PCDHA4: variants seen among roughly 807,000 people sequenced by gnomAD.
The protein encoded by PCDHA4 is protocadherin alpha 4, also known as protocadherin alpha-4.
PCDHA4 carries 49 observed loss-of-function variants against 61.4 expected under a neutral mutation model. That is an observed-to-expected ratio of 0.80 (90% CI 0.63 to 1.01). The LOEUF (loss-of-function observed/expected upper bound fraction) is 1.01, where lower values mean the gene tolerates loss of function less well. PCDHA4 is among the 50% of genes least tolerant of loss of function. The pLI is 0.00. For synonymous variants in PCDHA4, 590 were observed against 550.3 expected (o/e 1.07, Z -1.01); for missense variants, 1,254 against 1,235.8 (o/e 1.01, Z -0.22).
chr5:140,921,741 A>G (rs1437643098), intron 1 of PCDHA4, among the ~76,000 whole-genome samples: 1 of 152,202 alleles, frequency 6.6e-6, no homozygotes, highest in Non-Finnish European at 1.5e-5. Context: ...AATTATAAGC[A>G]TAACAGGACA....
chr5:140,868,877 C>T (rs1554162279), intron 1 of PCDHA4: 4 of 684,224 alleles, frequency 5.8e-6, no homozygotes, highest in South Asian at 2.2e-5. Flanking sequence ...GCACAGTACT[C>T]ACAGTTTTAG....
intron 1 of PCDHA4, chr5:140,968,800 A>G: frequency 6.2e-7 from 1 of 1,614,238 alleles, no homozygotes; most frequent in Non-Finnish European, 8.5e-7. Context: ...CCATTACAGT[A>G]GCTGTGGTGG....
chr5:140,927,073 C>T (rs782173390), intron 1 of PCDHA4: 11 of 1,611,108 alleles, frequency 6.8e-6, no homozygotes, highest in Middle Eastern at 1.7e-4. Context: ...CCTTTCCAGC[C>T]ACCGCGAGCT....
intron 1 of PCDHA4, chr5:140,928,025 G>T: frequency 6.2e-7 from 1 of 1,614,148 alleles, no homozygotes; most frequent in South Asian, 1.1e-5. Flanking sequence ...GTCATTTGTG[G>T]CATGTCTAGT....
In PCDHA4 at chr5:140,851,743, G is replaced by A. The variant is rs1045115703; in HGVS notation, c.2385+42171G>A. ...ACTTCGAGTTCTTTTGAAATTCAGA[G>A]TCTGTAACTTAAAACATTACCCTTA... On this transcript the variant is annotated intron_variant, in intron 1 of 3. Transcript: ENST00000530339. 3 of 972,104 alleles carry A rather than the reference G, an allele frequency of 3.1e-6. 1 individual carries two copies. The highest frequency in any genetic ancestry group is 3.7e-6 in the Non-Finnish European group (3 of 804,720). 60.2% of individuals were successfully genotyped at this position (972,104 alleles called of 1,614,324 possible).
chr5:140,884,357 A>C, intron 1 of PCDHA4: 1 of 1,613,864 alleles, frequency 6.2e-7, no homozygotes. Context: ...GGTGGATGTC[A>C]ATGTTTACTT....
intron 1 of PCDHA4, among the ~76,000 whole-genome samples, chr5:140,892,705 T>C (rs1395351366): frequency 6.6e-6 from 1 of 152,210 alleles, no homozygotes; most frequent in Non-Finnish European, 1.5e-5. Flanking sequence ...TCAGGGTAAT[T>C]AGCATATTCA....
intron 1 of PCDHA4, chr5:140,850,254 G>A: frequency 3.8e-6 from 6 of 1,593,786 alleles, no homozygotes; most frequent in South Asian, 1.1e-5. Flanking sequence ...GTCGGTGGGC[G>A]CCGGCGTAGT....
At chr5:140,909,087 T>G (rs2074309493) in intron 1 of PCDHA4, among the ~76,000 whole-genome samples, 1 of 152,234 alleles carries the variant, frequency 6.6e-6, no homozygotes, top group Admixed American at 6.5e-5. Flanking sequence ...TGTTTGCTAC[T>G]TCTCACTCAC....
At chr5:140,895,165 T>C (rs28385500) in intron 1 of PCDHA4, among the ~76,000 whole-genome samples, 2,119 of 152,268 alleles carry the variant, frequency 0.014, 42 homozygotes, top group African/African-American at 0.049. Context: ...CACAATCCAA[T>C]CTATTTGTAG....
chr5:140,934,915 A>G (rs1324840546), intron 1 of PCDHA4, among the ~76,000 whole-genome samples: 3 of 152,132 alleles, frequency 2.0e-5, no homozygotes, highest in Non-Finnish European at 4.4e-5. Context: ...ATAATTATGG[A>G]TTCACATAAA....
intron 1 of PCDHA4, among the ~76,000 whole-genome samples, chr5:140,838,077 AGTGTGT>A (rs2150283763): frequency 0.11 from 9,093 of 79,922 alleles, 336 homozygotes; most frequent in East Asian, 0.23. Flanking sequence ...ATATATATAT[AGTGTGT>A]GTGTGTGTGT....
chr5:140,860,413 C>T (rs2046383451), intron 1 of PCDHA4: 1 of 152,018 alleles, frequency 6.6e-6, no homozygotes, highest in African/African-American at 2.4e-5. Context: ...AATAGTAACA[C>T]CATTATCCTG....
In PCDHA4 at chr5:141,009,782, C is replaced by G; in HGVS notation, c.2689C>G (p.Arg897Gly). ...AGGATCTCCTGCAATCATCTCCATC[C>G]GGCAGGAGCCTACTAACAGCCAAAT... ...IPGSPAIISI[R>G]QEPTNSQIDK... Residue 897 changes from arginine to glycine, a missense_variant, in exon 4 of 4, where the codon CGG becomes GGG. By Grantham distance (125) the Arg-to-Gly change is moderately radical. Transcript: ENST00000530339. 1.2e-6 allele frequency: 2 copies of G among 1,614,074 alleles called. No homozygotes were observed. Among genetic ancestry groups the G allele is most frequent in the Non-Finnish European group, 1.7e-6 (2 of 1,180,012 alleles).
In PCDHA4 at chr5:141,010,888, T is replaced by C. The variant is rs1419215366; in HGVS notation, c.*951T>C. The stretch of plus-strand genomic sequence containing the variant: ...AGCTATAAATCTTTAAAGAGAAATA[T>C]GAATACAATTCCCCTAAACTCTCCT... On this transcript the variant is annotated 3_prime_UTR_variant, in exon 4 of 4. Transcript: ENST00000530339. The C allele has an allele frequency of 3.9e-5, 6 of 153,866 alleles. 1 individual carries two copies. The highest frequency in any genetic ancestry group is 1.4e-4 in the African/African-American group (6 of 41,562). The allele number at this position is 153,866 out of a possible 1,614,324, so 9.5% of individuals were successfully genotyped here. A position where few individuals can be genotyped will look rare whatever the true frequency, so the allele number is the denominator to read the frequency against.
chr5:140,915,164 G>A (rs782783727), intron 1 of PCDHA4, among the ~76,000 whole-genome samples: 27 of 152,144 alleles, frequency 1.8e-4, no homozygotes, highest in African/African-American at 5.3e-4. Flanking sequence ...GGCCAGGATA[G>A]TCTCGATCTC....
intron 1 of PCDHA4, among the ~76,000 whole-genome samples, chr5:140,886,844 A>AAAAG (rs1232979230): frequency 8.6e-5 from 13 of 150,634 alleles, no homozygotes; most frequent in African/African-American, 1.2e-4. Flanking sequence ...AAAAAAAAAA[A>AAAAG]AAAGAAAGGT....
intron 1 of PCDHA4, among the ~76,000 whole-genome samples, chr5:140,889,996 A>G (rs1162958741): frequency 5.3e-5 from 8 of 152,152 alleles, no homozygotes; most frequent in African/African-American, 1.9e-4. Flanking sequence ...TAGCTTTCCA[A>G]GCTTAGGTGC....
intron 1 of PCDHA4, among the ~76,000 whole-genome samples, chr5:140,942,118 A>C (rs554488765): frequency 1.3e-5 from 2 of 152,360 alleles, no homozygotes; most frequent in East Asian, 3.9e-4. Flanking sequence ...AAACTTTATT[A>C]AAGGTGATAT....
Sources: gnomAD v4.1 joint callset for allele counts (sites outside exome capture counted in the v4.1 genomes callset) on GRCh38, gnomAD v4.1.1 for gene constraint, MANE v1.5 for transcripts, NCBI Gene and HGNC (gene_info 2026-07-23, HGNC 2026-07-21) for gene names.